AUH: variants seen among roughly 807,000 people sequenced by gnomAD.
AUH encodes AU RNA binding methylglutaconyl-CoA hydratase.
In AUH, 29 loss-of-function variants were observed where a neutral mutation model predicts 42.3. That is an observed-to-expected ratio of 0.69 (90% CI 0.51 to 0.93). AUH has a LOEUF of 0.93. Among genes scored for constraint, AUH ranks in the 40% least tolerant of loss-of-function variants. The pLI is 0.00. For synonymous variants in AUH, 174 were observed against 166.4 expected (o/e 1.05, Z -0.35); for missense variants, 452 against 438.1 (o/e 1.03, Z -0.28).
intron 8 of AUH, among the ~76,000 whole-genome samples, chr9:91,216,316 A>G (rs912785551): frequency 2.6e-5 from 4 of 152,058 alleles, no homozygotes; most frequent in African/African-American, 9.7e-5. Context: ...TACCTTGGGG[A>G]AGTTATTTAA....
chr9:91,294,819 C>A (rs1827191929), intron 6 of AUH: 3 of 453,038 alleles, frequency 6.6e-6, no homozygotes, highest in Non-Finnish European at 1.3e-5. Context: ...GTGGAAAGAG[C>A]AAGAGAAATA....
chr9:91,291,705 C>T (rs1188076087), intron 6 of AUH, among the ~76,000 whole-genome samples: 2 of 152,102 alleles, frequency 1.3e-5, no homozygotes, highest in Non-Finnish European at 2.9e-5. Context: ...AAATTTCTAC[C>T]TATCAGAATA....
intron 4 of AUH, among the ~76,000 whole-genome samples, chr9:91,305,798 G>A (rs1828170931): frequency 6.6e-6 from 1 of 152,116 alleles, no homozygotes; most frequent in Admixed American, 6.5e-5. Context: ...GCTGTTACTT[G>A]CCTGGTACAG....
chr9:91,266,869 T>G (rs1366860087), intron 6 of AUH, among the ~76,000 whole-genome samples: 1 of 152,334 alleles, frequency 6.6e-6, no homozygotes, highest in South Asian at 2.1e-4. Context: ...TTTTAAGGGT[T>G]AGATAGCAAA....
rs529301164 is a variant in AUH at position 91,360,385 on chromosome 9, C to A, written c.262+1243G>T. 5 of 152,346 alleles carry A rather than the reference C, an allele frequency of 3.3e-5. No individual in the cohort carries two copies. The East Asian group carries it at 7.7e-4, about 23-fold the overall frequency. The allele number at this position is 152,346 out of a possible 1,614,324, so 9.4% of individuals were successfully genotyped here. On this transcript the variant is annotated intron_variant, in intron 1 of 9. Coordinates refer to ENST00000375731, the MANE Select transcript of AUH (RefSeq NM_001698.3). Reference sequence around the variant, plus strand: ...GCCACACTTGCCTTATGTTACGTCCCAAATACACCACACATGTTCACATCT... The same window carrying A: ...GCCACACTTGCCTTATGTTACGTCCAAAATACACCACACATGTTCACATCT...
intron 6 of AUH, among the ~76,000 whole-genome samples, chr9:91,251,349 C>G (rs1829116112): frequency 6.6e-6 from 1 of 152,214 alleles, no homozygotes; most frequent in Non-Finnish European, 1.5e-5. Context: ...GTTTCACCTC[C>G]TCTCACAGGT....
chr9:91,263,065 A>G (rs1165615860), intron 6 of AUH, among the ~76,000 whole-genome samples: 1 of 152,136 alleles, frequency 6.6e-6, no homozygotes, highest in Non-Finnish European at 1.5e-5. Flanking sequence ...TCACTCTACT[A>G]TGGGTTATCT....
chr9:91,300,347 G>T (rs906635437), intron 4 of AUH, among the ~76,000 whole-genome samples: 1 of 152,126 alleles, frequency 6.6e-6, no homozygotes, highest in Admixed American at 6.5e-5. Flanking sequence ...TACTTCATGT[G>T]TCCAAACCAT....
At chr9:91,250,888 T>C (rs1020781191) in intron 6 of AUH, among the ~76,000 whole-genome samples, 2 of 152,206 alleles carry the variant, frequency 1.3e-5, no homozygotes, top group African/African-American at 4.8e-5. Flanking sequence ...ATTTCTGCTC[T>C]AGAGGACTTC....
intron 6 of AUH, among the ~76,000 whole-genome samples, chr9:91,294,337 CAA>C (rs775315340): frequency 1.3e-5 from 2 of 152,182 alleles, no homozygotes; most frequent in South Asian, 2.1e-4. Flanking sequence ...ATCATGAGGT[CAA>C]GAGATCAAGA....
chr9:91,267,700 C>T (rs1470750331), intron 6 of AUH, among the ~76,000 whole-genome samples: 1 of 152,078 alleles, frequency 6.6e-6, no homozygotes, highest in African/African-American at 2.4e-5. Flanking sequence ...TTTAAGGGAG[C>T]CTCGGTCTAT....
At chr9:91,325,238 TA>T in intron 4 of AUH, 79 bp downstream of exon 4, 1 of 1,111,564 alleles carries the variant, frequency 9.0e-7, no homozygotes, top group Non-Finnish European at 1.4e-6. Flanking sequence ...AACCAATGCT[TA>T]TATATAATGT....
chr9:91,257,963 T>A (rs1829496015), intron 6 of AUH, among the ~76,000 whole-genome samples: 1 of 152,258 alleles, frequency 6.6e-6, no homozygotes, highest in Non-Finnish European at 1.5e-5. Flanking sequence ...AGTCTACAGA[T>A]CTTGCAAATA....
intron 3 of AUH, among the ~76,000 whole-genome samples, chr9:91,332,000 C>T (rs773821375): frequency 2.6e-5 from 4 of 152,172 alleles, no homozygotes; most frequent in East Asian, 1.9e-4. Flanking sequence ...CCTATTATTG[C>T]TAAAAGAATT....
intron 6 of AUH, among the ~76,000 whole-genome samples, chr9:91,280,983 T>C (rs1259802435): frequency 6.6e-6 from 1 of 152,212 alleles, no homozygotes; most frequent in Admixed American, 6.5e-5. Flanking sequence ...GGAGTTTATT[T>C]ATGATGTGTC....
intron 3 of AUH, among the ~76,000 whole-genome samples, chr9:91,345,608 T>G (rs199857638): frequency 2.6e-5 from 4 of 151,594 alleles, no homozygotes; most frequent in African/African-American, 9.7e-5. Context: ...CCGAGGCAGG[T>G]GGATCACGAG....
At chr9:91,333,757 G>T (rs1830501728) in intron 3 of AUH, among the ~76,000 whole-genome samples, 2 of 152,184 alleles carry the variant, frequency 1.3e-5, no homozygotes, top group Admixed American at 1.3e-4. Context: ...CATCTAACAA[G>T]TTCCCAACAA....
Position 91,296,026 on chromosome 9 carries a change from C to T in AUH, c.650G>A (p.Gly217Asp), listed in dbSNP as rs387906756. ...LVETKLAIIPGGGGTQRLPRA... is the reference protein window; with the variant it reads ...LVETKLAIIPDGGGTQRLPRA... ...TGGGCGTGAACTACTCATACCTCCA[C>T]CAGGAATAATCGCCAATTTTGTTTC... The change falls in exon 6 of 10, where the codon GGT becomes GAT. Residue 217 changes from glycine to aspartate, a missense_variant. Gly to Asp is a moderately conservative substitution (Grantham distance 94). Coordinates refer to ENST00000375731, the MANE Select transcript of AUH (RefSeq NM_001698.3). The T allele has an allele frequency of 6.2e-7, 1 of 1,613,970 alleles. No homozygotes were observed. The highest frequency in any genetic ancestry group is 8.5e-7 in the Non-Finnish European group (1 of 1,179,992).
chr9:91,325,457 G>T, intron 3 of AUH, 53 bp from the exon 4 acceptor site: 1 of 1,474,542 alleles, frequency 6.8e-7, no homozygotes, highest in Non-Finnish European at 9.5e-7. Flanking sequence ...AAATTTTAAG[G>T]CAAAGAATTG....
Sources: gnomAD v4.1 joint callset for allele counts (sites outside exome capture counted in the v4.1 genomes callset) on GRCh38, gnomAD v4.1.1 for gene constraint, MANE v1.5 for transcripts, NCBI Gene and HGNC (gene_info 2026-07-23, HGNC 2026-07-21) for gene names.